ZC2HC1A: variants seen among roughly 807,000 people sequenced by gnomAD.
The protein encoded by ZC2HC1A is zinc finger C2HC domain-containing protein 1A.
A neutral mutation model predicts 40.7 loss-of-function variants in ZC2HC1A; 28 were observed. That is an observed-to-expected ratio of 0.69 (90% confidence interval 0.51 to 0.94). ZC2HC1A has a LOEUF of 0.94. ZC2HC1A is among the 40% of genes least tolerant of loss of function. The pLI is 0.00. For synonymous variants in ZC2HC1A, 129 were observed against 129.2 expected (o/e 1.00, Z 0.01); for missense variants, 389 against 386.3 (o/e 1.01, Z -0.06).
rs576332603 is a variant in ZC2HC1A, at chr8:78,666,093, C to G, written c.-56C>G. 1 of 1,554,314 alleles carries G rather than the reference C, an allele frequency of 6.4e-7. No homozygotes were observed. The highest frequency in any genetic ancestry group is 2.4e-5 in the East Asian group (1 of 41,478). ...TGCGGCTGGGTTGCTACAGCCAGAG[C>G]TGGGCGGTGGCGGGCGCTGCTGAAG... On this transcript the variant is annotated 5_prime_UTR_variant, in exon 1 of 9. Coordinates refer to ENST00000263849, the MANE Select transcript of ZC2HC1A (RefSeq NM_016010.3).
chr8:78,701,587 A>T (rs1194790298), intron 7 of ZC2HC1A, among the ~76,000 whole-genome samples: 1 of 152,194 alleles, frequency 6.6e-6, no homozygotes, highest in Non-Finnish European at 1.5e-5. Flanking sequence ...TTCAAGGGGA[A>T]TGCTTCCAGC....
chr8:78,683,435 A>G (rs1254904365), intron 3 of ZC2HC1A, among the ~76,000 whole-genome samples: 1 of 152,212 alleles, frequency 6.6e-6, no homozygotes, highest in African/African-American at 2.4e-5. Flanking sequence ...GAAGCTGCCA[A>G]GGCTTTGGGC....
intron 7 of ZC2HC1A, among the ~76,000 whole-genome samples, chr8:78,714,554 G>A (rs1486838846): frequency 1.3e-5 from 2 of 152,044 alleles, no homozygotes; most frequent in Non-Finnish European, 2.9e-5. Context: ...AAATTCATTT[G>A]AATTCCCAAG....
At chr8:78,674,856 A>G (rs1437960286) in intron 1 of ZC2HC1A, among the ~76,000 whole-genome samples, 1 of 152,128 alleles carries the variant, frequency 6.6e-6, no homozygotes, top group East Asian at 1.9e-4. Flanking sequence ...TTACTTCTAA[A>G]GAAAAATGTT....
intron 7 of ZC2HC1A, among the ~76,000 whole-genome samples, chr8:78,699,325 T>A (rs1253525580): frequency 2.0e-5 from 3 of 152,196 alleles, no homozygotes; most frequent in Admixed American, 2.0e-4. Flanking sequence ...CATATATTTT[T>A]AGAAATTTAC....
intron 7 of ZC2HC1A, among the ~76,000 whole-genome samples, chr8:78,700,979 A>G (rs1810583767): frequency 6.6e-6 from 1 of 152,062 alleles, no homozygotes; most frequent in Non-Finnish European, 1.5e-5. Context: ...AGTTTGACTC[A>G]TTTTTTATTC....
intron 7 of ZC2HC1A, chr8:78,712,054 G>T: frequency 7.8e-7 from 1 of 1,289,638 alleles, no homozygotes; most frequent in Non-Finnish European, 1.0e-6. Context: ...GTATGACAGT[G>T]ATACAAAATC....
intron 1 of ZC2HC1A, among the ~76,000 whole-genome samples, chr8:78,671,927 T>G (rs1448685549): frequency 6.6e-6 from 1 of 152,198 alleles, no homozygotes; most frequent in African/African-American, 2.4e-5. Context: ...TAAGGTAGAT[T>G]TTGTTAAATT....
At chr8:78,698,093 C>T (rs1040919793) in intron 6 of ZC2HC1A, among the ~76,000 whole-genome samples, 3 of 152,110 alleles carry the variant, frequency 2.0e-5, no homozygotes, top group Non-Finnish European at 2.9e-5. Flanking sequence ...CAGCATTTTC[C>T]TCTCATTTTA....
chr8:78,681,062 A>G (rs922866189), intron 3 of ZC2HC1A, among the ~76,000 whole-genome samples: 5 of 152,064 alleles, frequency 3.3e-5, no homozygotes, highest in African/African-American at 1.2e-4. Context: ...GGCCTAACAT[A>G]AAAGGCTGTG....
At chr8:78,713,025 C>T (rs1245397759) in intron 7 of ZC2HC1A, among the ~76,000 whole-genome samples, 10 of 152,002 alleles carry the variant, frequency 6.6e-5, no homozygotes, top group South Asian at 2.1e-4. Flanking sequence ...TGCTGTGAGC[C>T]GTTTTTCATT....
intron 1 of ZC2HC1A, among the ~76,000 whole-genome samples, chr8:78,673,602 G>A (rs574126593): frequency 1.8e-4 from 27 of 152,066 alleles, no homozygotes; most frequent in Admixed American, 4.6e-4. Flanking sequence ...TTTAATGATC[G>A]CCATTCTAAC....
In ZC2HC1A at chr8:78,717,492, G is replaced by T. The variant is rs763877690; in HGVS notation, c.977G>T (p.Ter326LeuextTer22). 2 of 1,450,152 alleles carry T rather than the reference G, an allele frequency of 1.4e-6. No homozygotes were observed. The highest frequency in any genetic ancestry group is 9.1e-7 in the Non-Finnish European group (1 of 1,099,724). 89.8% of individuals were successfully genotyped at this position (1,450,152 alleles called of 1,614,324 possible). ...CECGIRRMIL[*>L] ...TGTGGCATTCGAAGAATGATTCTAT[G>T]AATAGAATCTCAAAAAAAAAAAAAA... The change falls in exon 9 of 9, where the codon TGA becomes TTA. Residue 326 changes from the stop codon to leucine (L), a stop_lost. Coordinates refer to ENST00000263849, the MANE Select transcript of ZC2HC1A (RefSeq NM_016010.3).
At position 78,710,300 on chromosome 8, in the gene ZC2HC1A, T is replaced by C. The variant is rs553809183; in HGVS notation, c.705-4921T>C. Among the ~76,000 whole-genome samples, 3 of 152,264 alleles carry C rather than the reference T, an allele frequency of 2.0e-5. No homozygotes were observed. The East Asian group carries it at 5.8e-4, about 29-fold the overall frequency. Reference sequence around the variant, plus strand: ...AGTTTTGAATGTACATATATATATATGCACACATATAAATCAAGTTGAATG... The same window carrying C: ...AGTTTTGAATGTACATATATATATACGCACACATATAAATCAAGTTGAATG... On this transcript the variant is annotated intron_variant, in intron 7 of 8. Transcript: ENST00000263849.
At chr8:78,717,128 CACAGATAA>C (rs1309075316) in intron 8 of ZC2HC1A, among the ~76,000 whole-genome samples, 192 bp from the exon 9 acceptor site, 2 of 151,874 alleles carry the variant, frequency 1.3e-5, no homozygotes, top group Admixed American at 1.3e-4. Context: ...ATTCTCGTAA[CACAGATAA>C]ATATAATGTT....
intron 8 of ZC2HC1A, among the ~76,000 whole-genome samples, chr8:78,715,735 C>G (rs1811081047): frequency 6.6e-6 from 1 of 152,060 alleles, no homozygotes; most frequent in African/African-American, 2.4e-5. Flanking sequence ...CTGCTGCAGT[C>G]TCACGATAAA....
intron 7 of ZC2HC1A, among the ~76,000 whole-genome samples, chr8:78,710,423 T>C (rs1810916666): frequency 6.6e-6 from 1 of 152,250 alleles, no homozygotes; most frequent in Admixed American, 6.5e-5. Flanking sequence ...ATATGTAATG[T>C]TTCCATTGGA....
chr8:78,701,311 A>G (rs1397097557), intron 7 of ZC2HC1A, among the ~76,000 whole-genome samples: 1 of 152,148 alleles, frequency 6.6e-6, no homozygotes, highest in Non-Finnish European at 1.5e-5. Flanking sequence ...ATTAGTGTAT[A>G]GGAATGCTAG....
intron 5 of ZC2HC1A, among the ~76,000 whole-genome samples, 162 bp downstream of exon 5, chr8:78,689,535 T>C (rs1196293863): frequency 6.6e-6 from 1 of 152,098 alleles, no homozygotes; most frequent in Admixed American, 6.6e-5. Flanking sequence ...TTAGCTCTTA[T>C]ATCTGTAAAT....
Sources: allele counts gnomAD v4.1 joint callset (sites outside exome capture counted in the v4.1 genomes callset), GRCh38; gene constraint gnomAD v4.1.1; transcripts MANE v1.5; gene names NCBI Gene and HGNC (gene_info 2026-07-23, HGNC 2026-07-21).